GREB1L: variants seen among roughly 807,000 people sequenced by gnomAD.
GREB1L encodes the protein GREB1-like protein.
GREB1L carries 17 observed loss-of-function variants against 200.8 expected under a neutral mutation model. The ratio of observed to expected loss-of-function variants is 0.08; its 90% confidence interval spans 0.06 to 0.13. The LOEUF (loss-of-function observed/expected upper bound fraction) is 0.13, where lower values mean the gene tolerates loss of function less well. Among genes scored for constraint, GREB1L ranks in the 10% least tolerant of loss-of-function variants. The pLI, the probability that GREB1L is intolerant of heterozygous loss-of-function variation, is 1.00. For missense variants in GREB1L, 1,657 were observed against 2,367.7 expected (o/e 0.70, Z 6.23); for synonymous variants, 789 against 893.0 (o/e 0.88, Z 2.08).
At chr18:21,318,392 T>A (rs1389048917) in intron 1 of GREB1L, among the ~76,000 whole-genome samples, 1 of 152,142 alleles carries the variant, frequency 6.6e-6, no homozygotes, top group Non-Finnish European at 1.5e-5. Context: ...GTTTTTCTTT[T>A]CCTCCCAGGT....
At chr18:21,467,581 G>T (rs1333406008) in intron 15 of GREB1L, among the ~76,000 whole-genome samples, 2 of 152,146 alleles carry the variant, frequency 1.3e-5, no homozygotes, top group Non-Finnish European at 2.9e-5. Flanking sequence ...TAAAAGAGAG[G>T]TAGTAAGAAT....
At chr18:21,517,682 G>A (rs1440341701) in intron 30 of GREB1L, among the ~76,000 whole-genome samples, 1 of 152,108 alleles carries the variant, frequency 6.6e-6, no homozygotes, top group East Asian at 1.9e-4. Flanking sequence ...AAACCTCTTT[G>A]CCATTTTTTT....
intron 18 of GREB1L, among the ~76,000 whole-genome samples, chr18:21,489,240 C>A (rs1466897834): frequency 6.6e-6 from 1 of 152,162 alleles, no homozygotes; most frequent in East Asian, 1.9e-4. Context: ...GTACCAAAGG[C>A]TGCTGCTGCT....
rs941433927 is a variant in GREB1L at position 21,452,383 on chromosome 18, G to T, written c.1984+166G>T. 18 of 663,308 alleles carry T rather than the reference G, an allele frequency of 2.7e-5. No homozygotes were observed. In the African/African-American group the frequency reaches 3.3e-4, roughly 12 times the overall value. The allele number at this position is 663,308 out of a possible 1,614,324, so 41.1% of individuals were successfully genotyped here. On this transcript the variant is annotated intron_variant, in intron 14 of 32. Coordinates refer to ENST00000424526, the MANE Select transcript of GREB1L (RefSeq NM_001142966.3). ...GTTGAAATTAAAAATGCTTTCCCAT[G>T]TGGCCTGGATCAAAGGCTTTGTTCC...
In GREB1L at chr18:21,524,283, A is replaced by G. The variant is rs1395842874; in HGVS notation, c.*1462A>G. On this transcript the variant is annotated 3_prime_UTR_variant, in exon 33 of 33. Coordinates refer to ENST00000424526, the MANE Select transcript of GREB1L (RefSeq NM_001142966.3). ...ATGACAACAAGGAGTTTACAAAGCTAGTGAAAAAATGGAATGTATTAGACT... is the reference window on the plus strand; with the variant it reads ...ATGACAACAAGGAGTTTACAAAGCTGGTGAAAAAATGGAATGTATTAGACT... 1 of 152,228 alleles carries G rather than the reference A, an allele frequency of 6.6e-6. No homozygotes were observed. The highest frequency in any genetic ancestry group is 2.1e-4 in the South Asian group (1 of 4,832). 9.4% of individuals were successfully genotyped at this position (152,228 alleles called of 1,614,324 possible).
At chr18:21,310,455 G>A (rs1362513494) in intron 1 of GREB1L, among the ~76,000 whole-genome samples, 1 of 152,102 alleles carries the variant, frequency 6.6e-6, no homozygotes, top group Non-Finnish European at 1.5e-5. Flanking sequence ...TATATTTTTT[G>A]CAAGTCCTTT....
At chr18:21,404,041 A>C in intron 7 of GREB1L, 47 bp downstream of exon 7, 1 of 1,501,164 alleles carries the variant, frequency 6.7e-7, no homozygotes, top group South Asian at 1.2e-5. Context: ...ATGTATATTT[A>C]ATGAGACTTT....
chr18:21,373,838 G>A (rs2039971623), intron 2 of GREB1L, among the ~76,000 whole-genome samples: 1 of 152,082 alleles, frequency 6.6e-6, no homozygotes, highest in South Asian at 2.1e-4. Flanking sequence ...CTTTCCAAAG[G>A]AGCTCTTGCT....
chr18:21,485,871 T>A, intron 18 of GREB1L, 118 bp downstream of exon 18: 1 of 905,760 alleles, frequency 1.1e-6, no homozygotes, highest in Non-Finnish European at 1.6e-6. Context: ...GCAGATGACG[T>A]GCAAAGGCCA....
At chr18:21,455,343 C>T (rs2034708594) in intron 15 of GREB1L, among the ~76,000 whole-genome samples, 1 of 151,792 alleles carries the variant, frequency 6.6e-6, no homozygotes, top group Admixed American at 6.6e-5. Context: ...CACACACACA[C>T]GCAGATTTTA....
At chr18:21,517,861 T>C (rs1255816538) in intron 30 of GREB1L, among the ~76,000 whole-genome samples, 173 bp from the exon 31 acceptor site, 1 of 152,210 alleles carries the variant, frequency 6.6e-6, no homozygotes, top group African/African-American at 2.4e-5. Context: ...TATTTTACTA[T>C]TCCCAAGAGA....
chr18:21,493,681 T>C (rs753494299), intron 19 of GREB1L, among the ~76,000 whole-genome samples: 27 of 151,660 alleles, frequency 1.8e-4, no homozygotes, highest in Non-Finnish European at 2.5e-4. Flanking sequence ...GCCTGGCCAA[T>C]ATGGCGAAAC....
intron 1 of GREB1L, among the ~76,000 whole-genome samples, chr18:21,247,607 T>G (rs2037628909): frequency 6.6e-6 from 1 of 152,220 alleles, no homozygotes; most frequent in African/African-American, 2.4e-5. Context: ...GGAGACTTTC[T>G]TAACTCCTGT....
At chr18:21,314,580 T>G (rs371013763) in intron 1 of GREB1L, among the ~76,000 whole-genome samples, 2 of 152,186 alleles carry the variant, frequency 1.3e-5, no homozygotes. Context: ...TATTACAGAT[T>G]TATGACTTCG....
chr18:21,291,956 A>T (rs556916596), intron 1 of GREB1L, among the ~76,000 whole-genome samples: 18 of 152,326 alleles, frequency 1.2e-4, no homozygotes, highest in African/African-American at 4.1e-4. Flanking sequence ...AGGATACAGG[A>T]TGGGCTTGGA....
Position 21,500,188 on chromosome 18 carries a change from A to G in GREB1L, c.3851A>G (p.Tyr1284Cys). ...ATGAGCAGTGAGGAGCAGTCCCTCT[A>G]CTACAGGCAGTGGACCTTGGCCCGG... ...KDMSSEEQSL[Y>C]YRQWTLARQH... Residue 1284 changes from tyrosine (Y) to cysteine (C), a missense_variant, in exon 22 of 33, where the codon TAC becomes TGC. By Grantham distance (194) the Tyr-to-Cys change is radical. Transcript: ENST00000424526. The G allele has an allele frequency of 1.3e-6, 2 of 1,549,994 alleles. No homozygotes were observed. Among genetic ancestry groups the G allele is most frequent in the Non-Finnish European group, 1.7e-6 (2 of 1,146,870 alleles).
intron 1 of GREB1L, among the ~76,000 whole-genome samples, chr18:21,355,193 ATTTT>A (rs113751730): frequency 1.4e-5 from 2 of 139,390 alleles, no homozygotes. Flanking sequence ...CTTTTGTTAA[ATTTT>A]TTTTTTTTTT....
At chr18:21,481,439 A>ATGTGTGTGTGTG (rs34711292) in intron 17 of GREB1L, among the ~76,000 whole-genome samples, 2 of 127,500 alleles carry the variant, frequency 1.6e-5, no homozygotes, top group African/African-American at 3.0e-5. Flanking sequence ...GTATATATGT[A>ATGTGTGTGTGTG]TGTGTGTGTG....
chr18:21,454,289 G>A, intron 14 of GREB1L, 77 bp from the exon 15 acceptor site: 2 of 887,950 alleles, frequency 2.3e-6, no homozygotes, highest in Non-Finnish European at 3.6e-6. Flanking sequence ...TGTGTGGTAT[G>A]TGTCCTCATA....
Sources: gnomAD v4.1 joint callset for allele counts (sites outside exome capture counted in the v4.1 genomes callset) on GRCh38, gnomAD v4.1.1 for gene constraint, MANE v1.5 for transcripts, NCBI Gene and HGNC (gene_info 2026-07-23, HGNC 2026-07-21) for gene names.